The following AR variants were observed in gnomAD, a reference collection of about 807,000 sequenced individuals.
AR encodes dihydrotestosterone receptor.
AR carries 8 observed loss-of-function variants against 53.9 expected under a neutral mutation model. The observed-to-expected ratio is 0.15, with a 90% CI of 0.09 to 0.27. The LOEUF (loss-of-function observed/expected upper bound fraction) is 0.27. Ranked by LOEUF, AR falls within the 10% of genes least tolerant of loss-of-function variation. The pLI is 1.00. For missense variants in AR, 639 were observed against 742.5 expected, an observed-to-expected ratio of 0.86 and a Z score of 1.62; for synonymous variants, 359 against 316.4, an observed-to-expected ratio of 1.13 and a Z score of -1.43.
chrX:67,585,766 G>T (rs1167593402), intron 1 of AR, among the ~76,000 whole-genome samples: 1 of 112,149 alleles, frequency 8.9e-6, no homozygotes, highest in Admixed American at 9.4e-5. Flanking sequence ...TGCATGGACA[G>T]TGATTAGCCC....
intron 1 of AR, among the ~76,000 whole-genome samples, chrX:67,601,225 G>A (rs1440031423): frequency 8.9e-6 from 1 of 111,797 alleles, no homozygotes; most frequent in East Asian, 2.8e-4. Context: ...GATGATTTCA[G>A]CCAGATCATT....
At chrX:67,640,407 T>G (rs1925685280) in intron 1 of AR, among the ~76,000 whole-genome samples, 1 of 111,617 alleles carries the variant, frequency 9.0e-6, no homozygotes, top group African/African-American at 3.3e-5. Flanking sequence ...CCAGCTCCTC[T>G]TTGTACATCT....
chrX:67,597,674 G>T (rs1923146478), intron 1 of AR, among the ~76,000 whole-genome samples: 1 of 111,796 alleles, frequency 8.9e-6, no homozygotes, highest in African/African-American at 3.3e-5. Context: ...TGGACTATCT[G>T]CTCACTGCCC....
intron 3 of AR, chrX:67,696,035 C>G: frequency 1.3e-6 from 1 of 751,126 alleles, no homozygotes; most frequent in African/African-American, 2.3e-5. Flanking sequence ...TTGCATATTT[C>G]TACTAGTGAA....
At chrX:67,690,456 C>A (rs1312635976) in intron 3 of AR, among the ~76,000 whole-genome samples, 3 of 111,615 alleles carry the variant, frequency 2.7e-5, no homozygotes, top group Non-Finnish European at 3.8e-5. Context: ...AGCATTGCTA[C>A]CTCAGGATCC....
intron 3 of AR, among the ~76,000 whole-genome samples, chrX:67,703,448 T>C (rs1434801093): frequency 9.0e-6 from 1 of 111,613 alleles, no homozygotes; most frequent in African/African-American, 3.3e-5. Context: ...TGGATTATTG[T>C]GGTTGTCTTA....
chrX:67,717,407 A>G, intron 4 of AR, 71 bp from the exon 5 acceptor site: 1 of 1,181,090 alleles, frequency 8.5e-7, no homozygotes, highest in Non-Finnish European at 1.1e-6. Flanking sequence ...ATCTCTGCCC[A>G]ACAGGGACTC....
At chrX:67,649,944 CTT>C (rs951456107) in intron 2 of AR, among the ~76,000 whole-genome samples, 2 of 111,722 alleles carry the variant, frequency 1.8e-5, no homozygotes, top group African/African-American at 6.5e-5. Flanking sequence ...GCCATGAAGA[CTT>C]TGCCCATTCA....
At chrX:67,581,821 C>T (rs1381652980) in intron 1 of AR, among the ~76,000 whole-genome samples, 4 of 111,062 alleles carry the variant, frequency 3.6e-5, no homozygotes, top group Non-Finnish European at 7.6e-5. Context: ...CTACCCTGTA[C>T]GACAGAGGTA....
At chrX:67,704,411 T>C (rs1202997607) in intron 3 of AR, among the ~76,000 whole-genome samples, 3 of 112,591 alleles carry the variant, frequency 2.7e-5, no homozygotes, top group Non-Finnish European at 5.6e-5. Flanking sequence ...GATGAGCATT[T>C]TTTCATGTGT....
intron 1 of AR, among the ~76,000 whole-genome samples, chrX:67,635,499 A>G (rs1167872315): frequency 9.0e-6 from 1 of 110,951 alleles, no homozygotes; most frequent in Non-Finnish European, 1.9e-5. Context: ...GATTCTTCAA[A>G]GTATCCCCAA....
intron 1 of AR, chrX:67,569,151 A>G: frequency 3.0e-6 from 2 of 659,020 alleles, no homozygotes; most frequent in Non-Finnish European, 4.4e-6. Flanking sequence ...AGCTTGCTTG[A>G]ATATCTTAGC....
chrX:67,593,920 G>A (rs1438244329), intron 1 of AR, among the ~76,000 whole-genome samples: 2 of 112,033 alleles, frequency 1.8e-5, no homozygotes, highest in African/African-American at 3.2e-5. Context: ...TCAGAAAAGT[G>A]ACTGTTTCTG....
chrX:67,579,798 CTTTT>C (rs1005158900), intron 1 of AR, among the ~76,000 whole-genome samples: 1 of 111,758 alleles, frequency 8.9e-6, no homozygotes, highest in Non-Finnish European at 1.9e-5. Flanking sequence ...AACTGCCTTT[CTTTT>C]TGTTTAAAAA....
intron 1 of AR, among the ~76,000 whole-genome samples, chrX:67,635,467 T>C (rs1365186306): frequency 9.0e-6 from 1 of 111,265 alleles, no homozygotes; most frequent in Non-Finnish European, 1.9e-5. Context: ...CAGTCACTGG[T>C]GGGACTTACT....
intron 5 of AR, among the ~76,000 whole-genome samples, chrX:67,719,808 G>A (rs545728906): frequency 8.9e-6 from 1 of 112,115 alleles, no homozygotes; most frequent in South Asian, 3.7e-4. Flanking sequence ...CCAGTTGAGT[G>A]CAACTAATCC....
At chrX:67,615,003 A>G (rs1254772857) in intron 1 of AR, among the ~76,000 whole-genome samples, 1 of 110,821 alleles carries the variant, frequency 9.0e-6, no homozygotes, top group African/African-American at 3.3e-5. Flanking sequence ...AGAAGAAACA[A>G]TCAGCAAATT....
chrX:67,726,256 T>G lies in AR; in HGVS notation c.*2415T>G, dbSNP rs921059295. The stretch of plus-strand genomic sequence containing the variant: ...GGGGTGGGATAGACATGTTCTGGTT[T>G]TCTTTATTATTACACAATCTGGCTC... On this transcript the variant is annotated 3_prime_UTR_variant, in exon 8 of 8. Transcript: ENST00000374690. The G allele has an allele frequency of 1.2e-5, 2 of 173,658 alleles. No individual in the cohort carries two copies. The highest frequency in any genetic ancestry group is 1.6e-4 in the East Asian group (2 of 12,249). The allele number at this position is 173,658 out of a possible 1,213,427, so 14.3% of individuals were successfully genotyped here. A position where few individuals can be genotyped will look rare whatever the true frequency, so the allele number is the denominator to read the frequency against.
chrX:67,703,104 G>T (rs1261347844), intron 3 of AR, among the ~76,000 whole-genome samples: 2 of 111,544 alleles, frequency 1.8e-5, no homozygotes, highest in African/African-American at 6.5e-5. Context: ...TAAAAAAAAA[G>T]TCAGTTCCAG....
Sources: gnomAD v4.1 joint callset for allele counts (sites outside exome capture counted in the v4.1 genomes callset) on GRCh38, gnomAD v4.1.1 for gene constraint, MANE v1.5 for transcripts, NCBI Gene and HGNC (gene_info 2026-07-23, HGNC 2026-07-21) for gene names.